XYLB: variants seen among roughly 807,000 people sequenced by gnomAD.
The protein encoded by XYLB is xylulose kinase.
Under a neutral mutation model 78.7 loss-of-function variants are expected in XYLB, and 62 were observed. The ratio of observed to expected loss-of-function variants is 0.79; its 90% confidence interval spans 0.64 to 0.97. The LOEUF is 0.97. XYLB is among the 50% of genes least tolerant of loss of function. XYLB has a pLI of 0.00. For synonymous variants in XYLB, 245 were observed against 247.4 expected (o/e 0.99, Z 0.09); for missense variants, 687 against 676.8 (o/e 1.02, Z -0.17).
chr3:38,360,034 G>T (rs1313555478), intron 2 of XYLB, among the ~76,000 whole-genome samples: 1 of 152,126 alleles, frequency 6.6e-6, no homozygotes, highest in African/African-American at 2.4e-5. Context: ...AAACCTATGG[G>T]GCTTGAGAGG....
rs199880538 is a variant in XYLB at position 38,374,428 on chromosome 3, G to T, written c.848-34G>T. ...TTTGCTTTGTGGTTCCCATGTGGCCGCCAGCTAACCAGAAGCTCCCCTCCC... is the reference window on the plus strand; with the variant it reads ...TTTGCTTTGTGGTTCCCATGTGGCCTCCAGCTAACCAGAAGCTCCCCTCCC... On this transcript the variant is annotated intron_variant, in intron 10 of 18. Coordinates refer to ENST00000207870, the MANE Select transcript of XYLB (RefSeq NM_005108.4). 2.5e-6 allele frequency: 4 copies of T among 1,613,880 alleles called. No homozygotes were observed. In the Admixed American group the frequency reaches 6.7e-5, roughly 27 times the overall value.
At chr3:38,412,147 C>T (rs1199893612) in intron 18 of XYLB, among the ~76,000 whole-genome samples, 1 of 152,082 alleles carries the variant, frequency 6.6e-6, no homozygotes, top group Non-Finnish European at 1.5e-5. Context: ...CCTGCCACCA[C>T]ACCCAGCTAA....
At chr3:38,408,240 C>CTGCCTAACTA (rs1553663644) in intron 18 of XYLB, among the ~76,000 whole-genome samples, 1 of 151,756 alleles carries the variant, frequency 6.6e-6, no homozygotes. Context: ...TCACTCAAAA[C>CTGCCTAACTA]CACTCAGCTG....
chr3:38,390,127 C>A (rs1575513435), intron 15 of XYLB, among the ~76,000 whole-genome samples: 1 of 152,098 alleles, frequency 6.6e-6, no homozygotes, highest in African/African-American at 2.4e-5. Context: ...CAAATGTGTT[C>A]TTTCTTGACC....
the XYLB span, among the ~76,000 whole-genome samples, chr3:38,449,682 G>C: frequency 6.6e-6 from 1 of 152,306 alleles, no homozygotes; most frequent in East Asian, 1.9e-4. Flanking sequence ...TCTTTCCCTT[G>C]TCTCTCCAAT....
chr3:38,451,353 G>C, the XYLB span: 1 of 152,120 alleles, frequency 6.6e-6, no homozygotes, highest in Non-Finnish European at 1.5e-5. Flanking sequence ...AACTGCAAAA[G>C]GGTCAACTTC....
At chr3:38,376,357 G>A in intron 13 of XYLB, 125 bp downstream of exon 13, 1 of 690,996 alleles carries the variant, frequency 1.4e-6, no homozygotes, top group South Asian at 1.6e-5. Flanking sequence ...AGTCCTGTCT[G>A]TCTGCACTTA....
chr3:38,387,147 T>G (rs1463220155), intron 15 of XYLB, among the ~76,000 whole-genome samples: 1 of 152,206 alleles, frequency 6.6e-6, no homozygotes, highest in African/African-American at 2.4e-5. Context: ...CCCTTTGTGA[T>G]TCACTGAGCT....
intron 12 of XYLB, among the ~76,000 whole-genome samples, 154 bp downstream of exon 12, chr3:38,375,413 C>T (rs76272361): frequency 9.5e-4 from 144 of 152,318 alleles, no homozygotes; most frequent in African/African-American, 2.9e-3. Context: ...CCCAAGGACT[C>T]ACCAGCTCTT....
the XYLB span, among the ~76,000 whole-genome samples, chr3:38,432,059 C>G: frequency 6.6e-6 from 1 of 152,004 alleles, no homozygotes; most frequent in Non-Finnish European, 1.5e-5. Flanking sequence ...GGCCACAGTC[C>G]CCATGCAAGA....
intron 18 of XYLB, among the ~76,000 whole-genome samples, chr3:38,410,185 G>A (rs1460432049): frequency 1.3e-5 from 2 of 152,154 alleles, no homozygotes; most frequent in Non-Finnish European, 2.9e-5. Context: ...CCAAAACAGA[G>A]ATATAGATCA....
At chr3:38,440,007 A>C in the XYLB span, among the ~76,000 whole-genome samples, 8 of 152,112 alleles carry the variant, frequency 5.3e-5, no homozygotes, top group Non-Finnish European at 1.2e-4. Context: ...ATTTCTTGTA[A>C]ACTGTCTGAG....
intron 18 of XYLB, 69 bp downstream of exon 18, chr3:38,401,054 C>A: frequency 7.4e-7 from 1 of 1,355,320 alleles, no homozygotes; most frequent in Non-Finnish European, 1.1e-6. Flanking sequence ...TTTCCCCCAC[C>A]AAAAGGTCAC....
the XYLB span, among the ~76,000 whole-genome samples, chr3:38,433,685 C>A: frequency 6.6e-6 from 1 of 152,212 alleles, no homozygotes; most frequent in Non-Finnish European, 1.5e-5. Flanking sequence ...TCATCTCCAT[C>A]TGAAACAACC....
At chr3:38,427,680 G>A in the XYLB span, among the ~76,000 whole-genome samples, 5 of 151,848 alleles carry the variant, frequency 3.3e-5, no homozygotes, top group South Asian at 4.2e-4. Flanking sequence ...TGCAACCTCC[G>A]CCTCCCAGTT....
At chr3:38,369,933 A>G (rs1706456127) in intron 8 of XYLB, 123 bp from the exon 9 acceptor site, 1 of 845,884 alleles carries the variant, frequency 1.2e-6, no homozygotes. Flanking sequence ...TATACCTTCC[A>G]TGAAGAAAGA....
At chr3:38,440,128 G>T in the XYLB span, among the ~76,000 whole-genome samples, 1 of 152,162 alleles carries the variant, frequency 6.6e-6, no homozygotes, top group Non-Finnish European at 1.5e-5. Flanking sequence ...TTAGTTGTAT[G>T]GCCCTGCACT....
chr3:38,372,853 C>A (rs1217432099), intron 10 of XYLB, 117 bp downstream of exon 10: 3 of 1,115,180 alleles, frequency 2.7e-6, no homozygotes, highest in East Asian at 5.1e-5. Context: ...TCACCACCCC[C>A]ACCCATGCTG....
At chr3:38,429,279 G>A in the XYLB span, among the ~76,000 whole-genome samples, 1 of 152,062 alleles carries the variant, frequency 6.6e-6, no homozygotes, top group Non-Finnish European at 1.5e-5. Context: ...TATCCCAAGA[G>A]CACTCCTTAA....
Sources: allele counts gnomAD v4.1 joint callset (sites outside exome capture counted in the v4.1 genomes callset), GRCh38; gene constraint gnomAD v4.1.1; transcripts MANE v1.5; gene names NCBI Gene and HGNC (gene_info 2026-07-23, HGNC 2026-07-21).